The following CNTNAP4 variants were observed in gnomAD, a reference collection of about 807,000 sequenced individuals.
The protein encoded by CNTNAP4 is contactin associated protein family member 4.
In CNTNAP4, 98 loss-of-function variants were observed where a neutral mutation model predicts 148.4. That is an observed-to-expected ratio of 0.66 (90% CI 0.56 to 0.78). CNTNAP4 has a LOEUF of 0.78. CNTNAP4 is among the 30% of genes least tolerant of loss of function. CNTNAP4 has a pLI of 0.00. For synonymous variants in CNTNAP4, 730 were observed against 565.1 expected, an observed-to-expected ratio of 1.29 and a Z score of -4.14; for missense variants, 1,935 against 1,565.6, an observed-to-expected ratio of 1.24 and a Z score of -3.98.
intron 3 of CNTNAP4, among the ~76,000 whole-genome samples, chr16:76,362,718 A>G (rs1018466057): frequency 6.6e-6 from 1 of 152,204 alleles, no homozygotes; most frequent in Non-Finnish European, 1.5e-5. Context: ...ATGGAGATAA[A>G]GAAGGGAAGA....
intron 13 of CNTNAP4, among the ~76,000 whole-genome samples, chr16:76,491,409 T>A (rs1272968922): frequency 6.6e-6 from 1 of 152,222 alleles, no homozygotes; most frequent in East Asian, 1.9e-4. Flanking sequence ...TCTCAGTCTT[T>A]GTTTTCTTTT....
At chr16:76,511,793 C>T (rs2083035679) in intron 15 of CNTNAP4, among the ~76,000 whole-genome samples, 1 of 148,216 alleles carries the variant, frequency 6.7e-6, no homozygotes, top group African/African-American at 2.5e-5. Flanking sequence ...GAGCAATGAA[C>T]AAAATAGATA....
At chr16:76,386,001 T>G (rs2144733005) in intron 3 of CNTNAP4, among the ~76,000 whole-genome samples, 1 of 152,270 alleles carries the variant, frequency 6.6e-6, no homozygotes, top group South Asian at 2.1e-4. Flanking sequence ...AAACACTTGT[T>G]TACAGTATTG....
chr16:76,453,222 A>G (rs979697087), intron 8 of CNTNAP4, among the ~76,000 whole-genome samples: 1 of 152,222 alleles, frequency 6.6e-6, no homozygotes, highest in African/African-American at 2.4e-5. Flanking sequence ...GTATGAGTGT[A>G]CAGTGTGAAT....
chr16:76,364,977 A>G (rs1052453922), intron 3 of CNTNAP4, among the ~76,000 whole-genome samples: 1 of 152,124 alleles, frequency 6.6e-6, no homozygotes, highest in Non-Finnish European at 1.5e-5. Flanking sequence ...GGTATTGCCT[A>G]GGTTTTCTTC....
chr16:76,329,135 T>C (rs1408125550), intron 2 of CNTNAP4, among the ~76,000 whole-genome samples: 1 of 152,208 alleles, frequency 6.6e-6, no homozygotes, highest in Non-Finnish European at 1.5e-5. Context: ...GCCTGTATAA[T>C]AAAACATGGT....
chr16:76,525,909 TA>T (rs1568512100), intron 17 of CNTNAP4, among the ~76,000 whole-genome samples: 1 of 149,796 alleles, frequency 6.7e-6, no homozygotes, highest in Non-Finnish European at 1.5e-5. Flanking sequence ...TATACATATA[TA>T]AAATATATAG....
chr16:76,448,807 C>T lies in CNTNAP4; in HGVS notation c.783C>T (p.Leu261=). 6.2e-7 allele frequency: 1 copy of T among 1,611,544 alleles called. No individual in the cohort carries two copies. The highest frequency in any genetic ancestry group is 8.5e-7 in the Non-Finnish European group (1 of 1,178,974). Residue 261 remains leucine, a synonymous_variant, in exon 6 of 24, where the codon CTC becomes CTT. Transcript: ENST00000611870. ...KLPSTSTLVN[L]TLGSLLDDQH... is the part of the protein sequence containing the mutation. ...CTTCCACTTCCACCCTGGTCAATCT[C>T]ACCCTGGGCAGCCTGCTAGATGATC...
intron 3 of CNTNAP4, among the ~76,000 whole-genome samples, chr16:76,426,943 G>A (rs1444397766): frequency 6.6e-6 from 1 of 152,168 alleles, no homozygotes; most frequent in African/African-American, 2.4e-5. Flanking sequence ...GCTGAGTGTA[G>A]CTCCAACTTG....
At chr16:76,434,745 C>G (rs7184861) in intron 4 of CNTNAP4, among the ~76,000 whole-genome samples, 2 of 152,048 alleles carry the variant, frequency 1.3e-5, no homozygotes. Context: ...CCCTCAACCT[C>G]CCAGCCAGGA....
intron 2 of CNTNAP4, among the ~76,000 whole-genome samples, chr16:76,333,781 T>TG (rs1662542837): frequency 1.0e-5 from 1 of 97,014 alleles, no homozygotes; most frequent in Non-Finnish European, 2.1e-5. Flanking sequence ...GGTTATAGGT[T>TG]TTTTTTTTTT....
chr16:76,460,152 G>T (rs1269566628), intron 8 of CNTNAP4, among the ~76,000 whole-genome samples: 2 of 151,960 alleles, frequency 1.3e-5, no homozygotes, highest in African/African-American at 4.8e-5. Flanking sequence ...TTGTTGCCCA[G>T]GCTGGAGTGC....
chr16:76,303,399 G>A (rs1352161483), intron 1 of CNTNAP4, among the ~76,000 whole-genome samples: 1 of 152,152 alleles, frequency 6.6e-6, no homozygotes, highest in African/African-American at 2.4e-5. Flanking sequence ...GTTCAGTGAT[G>A]TTGAAATATC....
chr16:76,285,865 A>G (rs1193948985), intron 1 of CNTNAP4, among the ~76,000 whole-genome samples: 1 of 151,866 alleles, frequency 6.6e-6, no homozygotes, highest in East Asian at 1.9e-4. Context: ...TTGAACAGAC[A>G]TTTGATTCCC....
chr16:76,443,623 G>C (rs971069944), intron 4 of CNTNAP4, among the ~76,000 whole-genome samples: 4 of 152,118 alleles, frequency 2.6e-5, no homozygotes, highest in African/African-American at 9.7e-5. Flanking sequence ...ATTTACAAAA[G>C]ATAGGAGTAA....
chr16:76,557,775 T>A (rs2085255100), intron 23 of CNTNAP4: 1 of 152,194 alleles, frequency 6.6e-6, no homozygotes, highest in Non-Finnish European at 1.5e-5. Context: ...GAAAAAGACA[T>A]CTTAGAATTA....
intron 1 of CNTNAP4, among the ~76,000 whole-genome samples, chr16:76,278,493 T>C (rs1201255854): frequency 1.3e-5 from 2 of 152,226 alleles, no homozygotes; most frequent in African/African-American, 4.8e-5. Context: ...TGAAATCTTA[T>C]TTATAATTTA....
intron 2 of CNTNAP4, among the ~76,000 whole-genome samples, chr16:76,354,167 T>C (rs1345141924): frequency 1.3e-5 from 2 of 152,206 alleles, no homozygotes; most frequent in Admixed American, 6.5e-5. Flanking sequence ...TTAGATAATA[T>C]GGATTCAAGA....
intron 1 of CNTNAP4, among the ~76,000 whole-genome samples, chr16:76,312,848 G>C (rs906288431): frequency 6.6e-6 from 1 of 152,174 alleles, no homozygotes; most frequent in Non-Finnish European, 1.5e-5. Context: ...GTAAAGATTA[G>C]TTACTATGTG....
Sources: allele counts gnomAD v4.1 joint callset (sites outside exome capture counted in the v4.1 genomes callset), GRCh38; gene constraint gnomAD v4.1.1; transcripts MANE v1.5; gene names NCBI Gene and HGNC (gene_info 2026-07-23, HGNC 2026-07-21).